Variants in SETD2 observed in about 807,000 individuals in gnomAD.
SETD2 encodes the protein histone-lysine N-methyltransferase SETD2.
A neutral mutation model predicts 242.1 loss-of-function variants in SETD2; 31 were observed. The observed-to-expected ratio is 0.13, with a 90% CI of 0.10 to 0.17. The LOEUF (loss-of-function observed/expected upper bound fraction) is 0.17. Among genes scored for constraint, SETD2 ranks in the 10% least tolerant of loss-of-function variants. The pLI is 1.00. For missense variants in SETD2, 2,481 were observed against 3,046.3 expected (o/e 0.81, Z 4.37); for synonymous variants, 1,006 against 1,066.5 (o/e 0.94, Z 1.11).
chr3:47,151,393 G>C (rs2043979466), intron 1 of SETD2, among the ~76,000 whole-genome samples: 1 of 151,900 alleles, frequency 6.6e-6, no homozygotes, highest in Non-Finnish European at 1.5e-5. Context: ...AAATAAAAAA[G>C]CTTAAGCAAT....
intron 9 of SETD2, among the ~76,000 whole-genome samples, chr3:47,093,242 C>A: frequency 6.6e-6 from 1 of 151,436 alleles, no homozygotes; most frequent in East Asian, 1.9e-4. Flanking sequence ...CTGTATGCAG[C>A]CAGTTTATTT....
intron 10 of SETD2, among the ~76,000 whole-genome samples, chr3:47,087,045 A>G (rs1466021417): frequency 1.3e-5 from 2 of 152,026 alleles, no homozygotes; most frequent in Admixed American, 6.6e-5. Flanking sequence ...TAAAAAAAAA[A>G]AAAAATCATT....
At position 47,069,355 on chromosome 3, in the gene SETD2, T is replaced by C. The variant is rs180724664; in HGVS notation, c.6061-2237A>G. Among the ~76,000 whole-genome samples, 6 of 152,254 alleles carry C rather than the reference T, an allele frequency of 3.9e-5. No individual in the cohort carries two copies. In the East Asian group the frequency reaches 1.2e-3, roughly 29 times the overall value. On this transcript the variant is annotated intron_variant, in intron 12 of 20. Transcript: ENST00000409792. ...TGACATCCTCCATCCCCTTAACCTCTCCTTCCTATGTAGAAGAACTTTCAT... is the reference window on the plus strand; with the variant it reads ...TGACATCCTCCATCCCCTTAACCTCCCCTTCCTATGTAGAAGAACTTTCAT...
intron 19 of SETD2, among the ~76,000 whole-genome samples, chr3:47,019,164 T>C (rs1481391476): frequency 3.3e-5 from 5 of 152,224 alleles, no homozygotes; most frequent in Non-Finnish European, 5.9e-5. Flanking sequence ...AGCAGCATTC[T>C]CCCAAGCCCT....
At chr3:47,026,921 G>A (rs921405658) in intron 18 of SETD2, among the ~76,000 whole-genome samples, 5 of 151,640 alleles carry the variant, frequency 3.3e-5, no homozygotes, top group East Asian at 1.9e-4. Flanking sequence ...AAAACTGCAC[G>A]TTCTGCACAT....
At chr3:47,071,021 G>A (rs1008912001) in intron 12 of SETD2, among the ~76,000 whole-genome samples, 1 of 152,124 alleles carries the variant, frequency 6.6e-6, no homozygotes, top group African/African-American at 2.4e-5. Context: ...ATCATGTCCA[G>A]TGCAGTGGTG....
intron 12 of SETD2, chr3:47,081,139 A>C (rs2041299019): frequency 1.1e-6 from 1 of 936,356 alleles, no homozygotes; most frequent in South Asian, 4.9e-5. Flanking sequence ...TGGGAGGACA[A>C]AGAGTAATTC....
Position 47,121,244 on chromosome 3 carries a change from A to C in SETD2, c.3392T>G (p.Phe1131Cys). 6.2e-7 allele frequency: 1 copy of C among 1,614,114 alleles called. No homozygotes were observed. The highest frequency in any genetic ancestry group is 2.2e-5 in the East Asian group (1 of 44,878). Residue 1131 changes from phenylalanine (F) to cysteine (C), a missense_variant, in exon 3 of 21, where the codon TTT becomes TGT. Physicochemically the swap from Phe to Cys is radical, Grantham distance 205. This residue lies in a region of SETD2 where 1,300 missense variants were observed against 1,259.2 expected (regional missense o/e 1.03). Transcript: ENST00000409792. ...ASKACPQTDK[F>C]FLHKGTEKNP... ...CTTCTCTGTTCCTTTATGAAGGAAA[A>C]ACTTATCAGTTTGAGGACAGGCTTT...
intron 18 of SETD2, among the ~76,000 whole-genome samples, chr3:47,031,777 G>C (rs990285690): frequency 6.6e-6 from 1 of 152,052 alleles, no homozygotes; most frequent in African/African-American, 2.4e-5. Flanking sequence ...GCTTTTATTC[G>C]TATGGGTTAT....
chr3:47,045,497 G>A (rs1046193397), intron 16 of SETD2, among the ~76,000 whole-genome samples: 2 of 142,462 alleles, frequency 1.4e-5, no homozygotes, highest in Non-Finnish European at 3.0e-5. Flanking sequence ...CAGCCTGGGC[G>A]ACAGAGCAAG....
chr3:47,116,483 CA>C, intron 4 of SETD2, 139 bp downstream of exon 4: 1 of 707,212 alleles, frequency 1.4e-6, no homozygotes, highest in East Asian at 2.7e-5. Flanking sequence ...TACTATACAT[CA>C]AAGTGTCTAC....
Position 47,121,573 on chromosome 3 carries a change from A to G in SETD2, c.3063T>C (p.Cys1021=), listed in dbSNP as rs780433204. 1 of 1,614,158 alleles carries G rather than the reference A, an allele frequency of 6.2e-7. No individual in the cohort carries two copies. Among genetic ancestry groups the G allele is most frequent in the Non-Finnish European group, 8.5e-7 (1 of 1,179,994 alleles). ...TTTCTGGGGCATGACCACTACTGTCACACTTTAATGCATAAGTTACACCAT... is the reference window on the plus strand; with the variant it reads ...TTTCTGGGGCATGACCACTACTGTCGCACTTTAATGCATAAGTTACACCAT... The part of the protein sequence containing the change: ...DSDGVTYALK[C]DSSGHAPEIV... The change falls in exon 3 of 21, where the codon TGT becomes TGC. Residue 1021 remains cysteine, a synonymous_variant. Transcript: ENST00000409792.
At chr3:47,087,379 T>C (rs969889267) in intron 10 of SETD2, among the ~76,000 whole-genome samples, 2 of 152,258 alleles carry the variant, frequency 1.3e-5, no homozygotes, top group Non-Finnish European at 1.5e-5. Flanking sequence ...CCACCTCAAA[T>C]CATCAGGCAT....
intron 5 of SETD2, among the ~76,000 whole-genome samples, chr3:47,106,353 A>C (rs765993912): frequency 3.3e-5 from 5 of 152,030 alleles, no homozygotes; most frequent in Admixed American, 1.3e-4. Context: ...TATAATTTAT[A>C]CCTACTACCA....
intron 1 of SETD2, among the ~76,000 whole-genome samples, chr3:47,138,679 C>T (rs1452188958): frequency 6.6e-6 from 1 of 152,058 alleles, no homozygotes; most frequent in Non-Finnish European, 1.5e-5. Context: ...CCTTGGCCTC[C>T]CAAAGTGCTA....
intron 4 of SETD2, among the ~76,000 whole-genome samples, chr3:47,114,467 A>C (rs1481079112): frequency 6.6e-6 from 1 of 152,208 alleles, no homozygotes; most frequent in Non-Finnish European, 1.5e-5. Flanking sequence ...GTTCAGAGTA[A>C]ACAGAATAAC....
intron 5 of SETD2, among the ~76,000 whole-genome samples, chr3:47,110,181 T>C (rs2042595440): frequency 6.6e-6 from 1 of 152,172 alleles, no homozygotes; most frequent in Admixed American, 6.5e-5. Context: ...GGCCACATAT[T>C]GTATAATTTC....
intron 5 of SETD2, among the ~76,000 whole-genome samples, chr3:47,109,887 G>A (rs1468351979): frequency 6.6e-6 from 1 of 151,656 alleles, no homozygotes; most frequent in African/African-American, 2.4e-5. Context: ...TCAGGAGGCT[G>A]AGGCAGGAGA....
intron 5 of SETD2, 84 bp downstream of exon 5, chr3:47,113,792 T>C (rs2042748934): frequency 7.2e-7 from 1 of 1,380,584 alleles, no homozygotes; most frequent in African/African-American, 1.5e-5. Context: ...TGAGCCAAGA[T>C]CGTGCCACTG....
Sources: allele counts gnomAD v4.1 joint callset (sites outside exome capture counted in the v4.1 genomes callset), GRCh38; gene constraint gnomAD v4.1.1; regional missense constraint gnomAD v4.1.1; transcripts MANE v1.5; gene names NCBI Gene and HGNC (gene_info 2026-07-23, HGNC 2026-07-21).